PCDHA13: variants seen among roughly 807,000 people sequenced by gnomAD.
PCDHA13 encodes protocadherin alpha 13, also known as protocadherin alpha-13.
In PCDHA13, 54 loss-of-function variants were observed where a neutral mutation model predicts 64.8. That is an observed-to-expected ratio of 0.83 (90% CI 0.67 to 1.04). The LOEUF (loss-of-function observed/expected upper bound fraction) is 1.04. PCDHA13 is among the 50% of genes least tolerant of loss of function. The probability of loss-of-function intolerance (pLI) is 0.00; values close to 1 mark genes in which losing one functional copy is unlikely to be tolerated. For synonymous variants in PCDHA13, 587 were observed against 564.4 expected (o/e 1.04, Z -0.57); for missense variants, 1,248 against 1,254.3 (o/e 0.99, Z 0.08).
chr5:140,966,539 T>TCGGAGGCGAG (rs2096018089), intron 1 of PCDHA13: 1 of 462,064 alleles, frequency 2.2e-6, no homozygotes, highest in Non-Finnish European at 3.7e-6. Flanking sequence ...GTTGAGCGAC[T>TCGGAGGCGAG]CGGAGGCGAG....
chr5:141,000,395 C>CTCTCTA (rs1213762225), intron 3 of PCDHA13, among the ~76,000 whole-genome samples: 5 of 53,980 alleles, frequency 9.3e-5, no homozygotes, highest in East Asian at 6.1e-4. Flanking sequence ...CTCTCTCTCT[C>CTCTCTA]TATATATATA....
chr5:140,883,019 G>A lies in PCDHA13; in HGVS notation c.751G>A (p.Val251Met), dbSNP rs1554176509. 2 of 1,613,986 alleles carry A rather than the reference G, an allele frequency of 1.2e-6. No homozygotes were observed. The highest frequency in any genetic ancestry group is 1.1e-5 in the South Asian group (1 of 91,082). ...EFYQSVYKVT[V>M]LENAFNGTLV... Reference sequence around the variant, plus strand: ...TTACCAATCCGTTTATAAAGTGACGGTGTTAGAGAACGCCTTCAATGGAAC... The same window carrying A: ...TTACCAATCCGTTTATAAAGTGACGATGTTAGAGAACGCCTTCAATGGAAC... Residue 251 changes from valine to methionine, a missense_variant, in exon 1 of 4, where the codon GTG (valine) becomes ATG (methionine). By Grantham distance (21) the Val-to-Met change is conservative (BLOSUM62 1). Coordinates refer to ENST00000289272, the MANE Select transcript of PCDHA13 (RefSeq NM_018904.3).
intron 1 of PCDHA13, among the ~76,000 whole-genome samples, chr5:140,945,282 T>C (rs1554216856): frequency 6.6e-6 from 1 of 152,062 alleles, no homozygotes; most frequent in African/African-American, 2.4e-5. Context: ...TTTAAAACAT[T>C]GATGAAAGAA....
At chr5:140,906,982 G>A (rs1298159889) in intron 1 of PCDHA13, among the ~76,000 whole-genome samples, 3 of 152,140 alleles carry the variant, frequency 2.0e-5, no homozygotes, top group African/African-American at 7.2e-5. Flanking sequence ...TCTTCTGGTG[G>A]CAGCATTCCT....
intron 1 of PCDHA13, among the ~76,000 whole-genome samples, chr5:140,911,856 T>C (rs1252396387): frequency 6.6e-6 from 1 of 152,184 alleles, no homozygotes; most frequent in Non-Finnish European, 1.5e-5. Context: ...TCCTTAATAG[T>C]CTGTTCTTCT....
chr5:140,893,107 G>A (rs1324641421), intron 1 of PCDHA13, among the ~76,000 whole-genome samples: 4 of 152,226 alleles, frequency 2.6e-5, no homozygotes, highest in East Asian at 1.9e-4. Flanking sequence ...ATAATATTCC[G>A]TTGTGCATAT....
In PCDHA13 at chr5:140,929,414, A is replaced by G. The variant is rs1174756115; in HGVS notation, c.2394+44752A>G. The G allele has an allele frequency of 6.6e-6, 10 of 1,504,304 alleles. No individual in the cohort carries two copies. The East Asian group carries it at 1.1e-4, about 17-fold the overall frequency. 93.2% of individuals were successfully genotyped at this position (1,504,304 alleles called of 1,614,324 possible). A position where few individuals can be genotyped will look rare whatever the true frequency, so the allele number is the denominator to read the frequency against. On this transcript the variant is annotated intron_variant, in intron 1 of 3. Transcript: ENST00000289272. ...ATATTTCTTAGACAAGCCTTTCACA[A>G]CATTTCATCAATTGAACTAAACACT...
At chr5:140,933,613 A>G (rs1441475985) in intron 1 of PCDHA13, among the ~76,000 whole-genome samples, 1 of 151,962 alleles carries the variant, frequency 6.6e-6, no homozygotes, top group Non-Finnish European at 1.5e-5. Flanking sequence ...TTCTTTTCTT[A>G]TTAGGTTAGG....
chr5:140,945,496 A>G (rs2093798194), intron 1 of PCDHA13, among the ~76,000 whole-genome samples: 1 of 152,142 alleles, frequency 6.6e-6, no homozygotes, highest in South Asian at 2.1e-4. Context: ...TACCCAAAGC[A>G]ATATTGAGCA....
intron 1 of PCDHA13, chr5:140,928,844 C>G (rs782361945): frequency 6.2e-7 from 1 of 1,614,168 alleles, no homozygotes; most frequent in Admixed American, 1.7e-5. Context: ...TCCTCTGTCA[C>G]TCTGGGTGTG....
chr5:140,921,364 T>G (rs2080173595), intron 1 of PCDHA13, among the ~76,000 whole-genome samples: 1 of 152,196 alleles, frequency 6.6e-6, no homozygotes, highest in Non-Finnish European at 1.5e-5. Flanking sequence ...TATTCAAGTT[T>G]CATATTTCTA....
At chr5:140,967,282 GC>G in intron 1 of PCDHA13, 1 of 1,613,078 alleles carries the variant, frequency 6.2e-7, no homozygotes, top group Non-Finnish European at 8.5e-7. Flanking sequence ...TAGAGAGTGC[GC>G]AGGACCCCGA....
chr5:140,980,949 A>G (rs1187381167), intron 2 of PCDHA13, among the ~76,000 whole-genome samples: 1 of 152,182 alleles, frequency 6.6e-6, no homozygotes, highest in East Asian at 1.9e-4. Context: ...TGGCTCCAGG[A>G]TAGTTACACC....
chr5:140,982,612 C>T, intron 3 of PCDHA13, 49 bp downstream of exon 3: 2 of 1,599,360 alleles, frequency 1.3e-6, no homozygotes, highest in Non-Finnish European at 1.7e-6. Context: ...GGAAAGTGAT[C>T]AGATGACCTA....
intron 1 of PCDHA13, among the ~76,000 whole-genome samples, chr5:140,960,972 T>C (rs936519951): frequency 6.6e-6 from 1 of 152,188 alleles, no homozygotes; most frequent in South Asian, 2.1e-4. Flanking sequence ...GCAGTTGCAA[T>C]TCTTGTTCCA....
At chr5:140,891,100 G>T (rs544877951) in intron 1 of PCDHA13, among the ~76,000 whole-genome samples, 1 of 152,206 alleles carries the variant, frequency 6.6e-6, no homozygotes, top group East Asian at 1.9e-4. Context: ...TTGCTGTCAA[G>T]AATTTAGCTG....
chr5:140,966,712 TG>T, intron 1 of PCDHA13: 1 of 1,392,090 alleles, frequency 7.2e-7, no homozygotes, highest in South Asian at 1.6e-5. Context: ...GGGGCACGGC[TG>T]GGGAAGCTGC....
intron 3 of PCDHA13, among the ~76,000 whole-genome samples, chr5:140,985,739 CTT>C (rs11372071): frequency 4.2e-4 from 50 of 117,920 alleles, no homozygotes; most frequent in Middle Eastern, 4.8e-3. Context: ...TGATGAATTC[CTT>C]TTTTTTTTTT....
chr5:140,929,554 C>G (rs899446101), intron 1 of PCDHA13: 17 of 488,414 alleles, frequency 3.5e-5, no homozygotes, highest in Non-Finnish European at 5.5e-5. Flanking sequence ...AAAATTAAAA[C>G]CTATTTAAGA....
Sources: gnomAD v4.1 joint callset for allele counts (sites outside exome capture counted in the v4.1 genomes callset) on GRCh38, gnomAD v4.1.1 for gene constraint, MANE v1.5 for transcripts, NCBI Gene and HGNC (gene_info 2026-07-23, HGNC 2026-07-21) for gene names.